Variants in NLGN4X observed in about 807,000 individuals in gnomAD.
The protein encoded by NLGN4X is neuroligin 4 X-linked.
Under a neutral mutation model 40.3 loss-of-function variants are expected in NLGN4X, and 3 were observed. That is an observed-to-expected ratio of 0.07 (90% confidence interval 0.03 to 0.19). The LOEUF (loss-of-function observed/expected upper bound fraction) is 0.19, where lower values mean the gene tolerates loss of function less well. NLGN4X is among the 10% of genes least tolerant of loss of function. The pLI is 1.00. For missense variants in NLGN4X, 382 were observed against 708.3 expected, an observed-to-expected ratio of 0.54 and a Z score of 5.23; for synonymous variants, 270 against 306.8, an observed-to-expected ratio of 0.88 and a Z score of 1.25.
intron 1 of NLGN4X, among the ~76,000 whole-genome samples, chrX:6,210,542 G>C (rs1924509382): frequency 8.9e-6 from 1 of 111,732 alleles, no homozygotes; most frequent in Non-Finnish European, 1.9e-5. Context: ...TCACGTAGCT[G>C]GCCAAATTTA....
chrX:6,056,785 G>A (rs1225420466), intron 2 of NLGN4X, among the ~76,000 whole-genome samples: 1 of 111,958 alleles, frequency 8.9e-6, no homozygotes, highest in Non-Finnish European at 1.9e-5. Flanking sequence ...TCCTAGTTAT[G>A]AATCTAACAT....
rs3072062 is a variant in NLGN4X, at chrX:6,146,696, CA to C, written c.472+4298del. ...CTTCCTTTTTCAATTGTATTGCTAG[CA>C]AAAAAAAAAAACAACCCAAAATTTC... On this transcript the variant is annotated intron_variant, in intron 2 of 5. Transcript: ENST00000381095. Among the ~76,000 whole-genome samples, 48 of 97,110 alleles carry C rather than the reference CA, an allele frequency of 4.9e-4. No homozygotes were observed. The East Asian group carries it at 5.1e-3, about 10-fold the overall frequency. The allele number at this position is 97,110 out of a possible 115,157, so 84.3% of individuals were successfully genotyped here. A position where few individuals can be genotyped will look rare whatever the true frequency, so the allele number is the denominator to read the frequency against.
intron 3 of NLGN4X, among the ~76,000 whole-genome samples, chrX:5,918,564 T>C (rs1010893233): frequency 1.8e-5 from 2 of 112,426 alleles, no homozygotes; most frequent in Admixed American, 1.9e-4. Flanking sequence ...AAATTATGCA[T>C]GTATTGTACC....
chrX:5,959,503 G>A (rs2034592152), intron 3 of NLGN4X, among the ~76,000 whole-genome samples: 1 of 112,093 alleles, frequency 8.9e-6, no homozygotes, highest in Non-Finnish European at 1.9e-5. Flanking sequence ...AAAAGGCTGT[G>A]TGGATTGAGA....
Position 6,025,940 on chromosome X carries a change from T to C in NLGN4X, c.625+3340A>G, listed in dbSNP as rs991687219. Among the ~76,000 whole-genome samples the C allele has an allele frequency of 6.3e-5, 7 of 110,654 alleles. No homozygotes were observed. The Admixed American group carries it at 6.8e-4, about 11-fold the overall frequency. ...AAAAAGAAAAGAAAAAAGTTATTTT[T>C]TTATTGACAAGCAGATTATATATTA... is the stretch of plus-strand genomic sequence containing the variant. On this transcript the variant is annotated intron_variant, in intron 3 of 5. Coordinates refer to ENST00000381095, the MANE Select transcript of NLGN4X (RefSeq NM_181332.3).
chrX:6,065,856 C>T (rs1275602296), intron 2 of NLGN4X, among the ~76,000 whole-genome samples: 2 of 111,356 alleles, frequency 1.8e-5, no homozygotes, highest in African/African-American at 6.5e-5. Context: ...TTTAAAATAG[C>T]TAAATTGCAT....
At chrX:6,130,844 C>G (rs775682767) in intron 2 of NLGN4X, among the ~76,000 whole-genome samples, 3 of 111,762 alleles carry the variant, frequency 2.7e-5, no homozygotes, top group Non-Finnish European at 5.6e-5. Flanking sequence ...GTGGAAGGTT[C>G]TTTTTATGGT....
intron 4 of NLGN4X, among the ~76,000 whole-genome samples, chrX:5,904,451 G>T (rs1245330529): frequency 8.9e-6 from 1 of 112,335 alleles, no homozygotes; most frequent in African/African-American, 3.2e-5. Flanking sequence ...CATTCAGCTA[G>T]CTATGCTTAA....
intron 2 of NLGN4X, among the ~76,000 whole-genome samples, chrX:6,041,251 C>A (rs773054852): frequency 9.0e-6 from 1 of 111,678 alleles, no homozygotes; most frequent in South Asian, 3.8e-4. Context: ...TGAAGAGCCT[C>A]CCAGCTGAGC....
At chrX:6,078,282 G>A (rs2038256625) in intron 2 of NLGN4X, among the ~76,000 whole-genome samples, 1 of 112,205 alleles carries the variant, frequency 8.9e-6, no homozygotes, top group Non-Finnish European at 1.9e-5. Context: ...CATCCTGTTT[G>A]CTATCGTATC....
chrX:5,907,365 A>G (rs2032242357), intron 4 of NLGN4X, among the ~76,000 whole-genome samples: 1 of 111,592 alleles, frequency 9.0e-6, no homozygotes, highest in African/African-American at 3.3e-5. Flanking sequence ...CTCATCGGAT[A>G]CTGCAGGGAG....
intron 2 of NLGN4X, among the ~76,000 whole-genome samples, chrX:6,050,329 CATCT>C (rs927629467): frequency 2.7e-5 from 3 of 111,473 alleles, no homozygotes; most frequent in Non-Finnish European, 5.7e-5. Context: ...CCATCTCTAC[CATCT>C]ATCATCTACC....
intron 1 of NLGN4X, among the ~76,000 whole-genome samples, chrX:6,218,474 C>A (rs3072699): frequency 7.1e-3 from 333 of 46,937 alleles, no homozygotes; most frequent in South Asian, 0.01. Flanking sequence ...GAGATTAAAC[C>A]CACACACACA....
intron 2 of NLGN4X, among the ~76,000 whole-genome samples, chrX:6,135,412 C>G (rs1377005602): frequency 1.8e-5 from 2 of 111,653 alleles, no homozygotes; most frequent in Non-Finnish European, 3.8e-5. Flanking sequence ...GGTTTTGCCC[C>G]AAGTTCATCT....
chrX:5,902,985 T>C lies in NLGN4X; in HGVS notation c.1601+92A>G, dbSNP rs375562775. On this transcript the variant is annotated intron_variant, in intron 5 of 5. Transcript: ENST00000381095. ...ATGTGTATGTGTGTGTATGCGTGTG[T>C]GCTCCTGCACGTGGCAGTAGAAGCA... 1.2e-5 allele frequency: 12 copies of C among 1,019,528 alleles called. No individual in the cohort carries two copies. In the East Asian group the frequency reaches 2.7e-4, roughly 23 times the overall value. 84.0% of individuals were successfully genotyped at this position (1,019,528 alleles called of 1,213,427 possible). A position where few individuals can be genotyped will look rare whatever the true frequency, so the allele number is the denominator to read the frequency against.
chrX:6,042,685 TTATATATATATATATATATATATATATA>T lies in NLGN4X; in HGVS notation c.473-13281_473-13254del, dbSNP rs749649054. On this transcript the variant is annotated intron_variant, in intron 2 of 5. Transcript: ENST00000381095. Reference sequence around the variant, plus strand: ...AAAACCTAACATACCCATAGAGGTTTTATATATATATATATATATATATATATATATATATATATATATATACACACAC... The same window carrying T: ...AAAACCTAACATACCCATAGAGGTTTTATATATATATATATATACACACAC... Among the ~76,000 whole-genome samples the T allele has an allele frequency of 7.7e-4, 22 of 28,412 alleles. No individual in the cohort carries two copies. In the South Asian group the frequency reaches 0.021, roughly 27 times the overall value. 24.7% of individuals were successfully genotyped at this position (28,412 alleles called of 115,157 possible).
intron 2 of NLGN4X, among the ~76,000 whole-genome samples, chrX:6,077,428 A>G (rs927167739): frequency 1.8e-5 from 2 of 109,011 alleles, no homozygotes; most frequent in African/African-American, 6.7e-5. Flanking sequence ...AGCTGGGACC[A>G]TAGGCACACA....
intron 5 of NLGN4X, among the ~76,000 whole-genome samples, chrX:5,897,482 CA>C (rs2031561259): frequency 3.6e-5 from 4 of 111,638 alleles, no homozygotes; most frequent in Non-Finnish European, 5.6e-5. Flanking sequence ...AAAACGGTCT[CA>C]ATCTACCTTA....
At chrX:5,950,702 A>G (rs1188321765) in intron 3 of NLGN4X, among the ~76,000 whole-genome samples, 3 of 112,433 alleles carry the variant, frequency 2.7e-5, no homozygotes, top group African/African-American at 9.7e-5. Context: ...GCCCTGATGT[A>G]GCAGTCATGG....
Sources: gnomAD v4.1 joint callset for allele counts (sites outside exome capture counted in the v4.1 genomes callset) on GRCh38, gnomAD v4.1.1 for gene constraint, MANE v1.5 for transcripts, NCBI Gene and HGNC (gene_info 2026-07-23, HGNC 2026-07-21) for gene names.